The following PKHD1 variants were observed in gnomAD, a reference collection of about 807,000 sequenced individuals.
PKHD1 encodes PKHD1 ciliary IPT domain containing fibrocystin/polyductin, also known as fibrocystin.
A neutral mutation model predicts 412.0 loss-of-function variants in PKHD1; 291 were observed. The ratio of observed to expected loss-of-function variants is 0.71; its 90% confidence interval spans 0.64 to 0.78. The LOEUF is 0.78. Ranked by LOEUF, PKHD1 falls within the 30% of genes least tolerant of loss-of-function variation. The pLI is 0.00. For missense variants in PKHD1, 4,825 were observed against 4,950.7 expected (o/e 0.97, Z 0.76); for synonymous variants, 1,777 against 1,821.5 (o/e 0.98, Z 0.62).
At chr6:52,018,015 C>T (rs1800812347) in intron 33 of PKHD1, among the ~76,000 whole-genome samples, 1 of 152,018 alleles carries the variant, frequency 6.6e-6, no homozygotes. Context: ...TTGAGTTTTC[C>T]TTGTTTTTGA....
intron 33 of PKHD1, among the ~76,000 whole-genome samples, chr6:52,018,352 C>A (rs1755664477): frequency 6.6e-6 from 1 of 152,114 alleles, no homozygotes; most frequent in Admixed American, 6.6e-5. Context: ...AGTAGTTGTG[C>A]CATTTTGTAT....
intron 57 of PKHD1, among the ~76,000 whole-genome samples, chr6:51,752,178 A>G (rs1272452186): frequency 3.3e-5 from 5 of 152,144 alleles, no homozygotes; most frequent in African/African-American, 1.2e-4. Flanking sequence ...TCAATTCTTA[A>G]AAGATTTGAA....
At chr6:52,053,615 T>C (rs1807227681) in intron 20 of PKHD1, among the ~76,000 whole-genome samples, 1 of 152,206 alleles carries the variant, frequency 6.6e-6, no homozygotes, top group African/African-American at 2.4e-5. Context: ...CATTTAGGTT[T>C]AAGACCATTT....
chr6:52,032,987 A>C, intron 29 of PKHD1, 43 bp downstream of exon 29: 1 of 1,559,968 alleles, frequency 6.4e-7, no homozygotes, highest in Non-Finnish European at 8.8e-7. Context: ...TATAGGACCA[A>C]TGCTCTAAGA....
intron 52 of PKHD1, among the ~76,000 whole-genome samples, chr6:51,806,089 G>A (rs531392177): frequency 2.0e-4 from 30 of 151,916 alleles, no homozygotes; most frequent in Admixed American, 2.0e-3. Context: ...GGAGGGATAG[G>A]ATTAGGATAG....
In PKHD1 at chr6:52,070,394, C is replaced by T. The variant is rs1444928283; in HGVS notation, c.707+12G>A. 1.3e-6 allele frequency: 2 copies of T among 1,572,166 alleles called. No individual in the cohort carries two copies. The highest frequency in any genetic ancestry group is 1.7e-5 in the Admixed American group (1 of 59,888). ...AAGACAAATTTGCCTATTTCTATAC[C>T]CAGTTACTTACTTTCCTTTGTTAAA... On this transcript the variant is annotated intron_variant, in intron 10 of 66. Transcript: ENST00000371117.
chr6:51,736,762 T>TCTCC (rs1308476666), intron 60 of PKHD1, among the ~76,000 whole-genome samples: 1 of 152,032 alleles, frequency 6.6e-6, no homozygotes, highest in Non-Finnish European at 1.5e-5. Flanking sequence ...CCTCTCATTT[T>TCTCC]CTCCCTCCCT....
In PKHD1 at chr6:52,070,447, T is replaced by C. The variant is rs771364577; in HGVS notation, c.668-2A>G. The C allele has an allele frequency of 1.2e-6, 2 of 1,608,700 alleles. No individual in the cohort carries two copies. Among genetic ancestry groups the C allele is most frequent in the African/African-American group, 1.3e-5 (1 of 74,820 alleles). On this transcript the variant is annotated splice_acceptor_variant, in intron 9 of 66. Transcript: ENST00000371117. LOFTEE classifies it high-confidence loss of function. ...CTGAGAAGCTAACATTCTGGGAGCC[T>C]GTAACACAAAGAAACACACATTAAC...
intron 49 of PKHD1, 66 bp downstream of exon 49, chr6:51,855,827 C>A: frequency 7.9e-7 from 1 of 1,266,120 alleles, no homozygotes; most frequent in Non-Finnish European, 1.2e-6. Context: ...AACCCATTAT[C>A]TCAAACAAAG....
At chr6:51,632,471 G>A in intron 65 of PKHD1, 94 bp downstream of exon 65, 1 of 1,068,704 alleles carries the variant, frequency 9.4e-7, no homozygotes, top group Non-Finnish European at 1.4e-6. Context: ...ACAAAAATTT[G>A]TCTTTGGGGA....
chr6:51,865,062 A>G (rs1774834512), intron 48 of PKHD1, among the ~76,000 whole-genome samples: 1 of 152,188 alleles, frequency 6.6e-6, no homozygotes, highest in South Asian at 2.1e-4. Flanking sequence ...CCTGACTTAC[A>G]TTGGCAGAAC....
chr6:51,828,005 T>C (rs1767611664), intron 52 of PKHD1, among the ~76,000 whole-genome samples: 1 of 152,086 alleles, frequency 6.6e-6, no homozygotes, highest in African/African-American at 2.4e-5. Context: ...TGTGATAAGA[T>C]TAAATACCTC....
intron 19 of PKHD1, 59 bp from the exon 20 acceptor site, chr6:52,054,224 A>G (rs1267993402): frequency 1.3e-6 from 2 of 1,566,284 alleles, no homozygotes; most frequent in Admixed American, 1.7e-5. Flanking sequence ...CATTCAAACA[A>G]TACGTAGTGA....
chr6:51,828,258 C>T (rs1053883262), intron 52 of PKHD1, among the ~76,000 whole-genome samples: 2 of 151,982 alleles, frequency 1.3e-5, no homozygotes, highest in African/African-American at 4.8e-5. Context: ...TCCTGCAAAG[C>T]TTCTTTACTT....
rs200599637 is a variant in PKHD1, at chr6:51,934,230, C to T, written c.6001G>A (p.Glu2001Lys). Residue 2001 changes from glutamate to lysine, a missense_variant, in exon 37 of 67, where the codon GAA becomes AAA. By Grantham distance (56) the Glu-to-Lys change is moderately conservative. Coordinates refer to ENST00000371117, the MANE Select transcript of PKHD1 (RefSeq NM_138694.4). Reference protein sequence around the residue: ...SDGGELRIGSEDKPFQGRAQI... With the variant: ...SDGGELRIGSKDKPFQGRAQI... ...GCTCTGCCTTGGAAGGGCTTGTCTTCGGATCCAATCCGGAGCTCTCCACCA... is the reference window on the plus strand; with the variant it reads ...GCTCTGCCTTGGAAGGGCTTGTCTTTGGATCCAATCCGGAGCTCTCCACCA... 1.3e-4 allele frequency: 206 copies of T among 1,613,696 alleles called. No homozygotes were observed. Among genetic ancestry groups the T allele is most frequent in the Non-Finnish European group, 1.6e-4 (184 of 1,179,792 alleles).
At chr6:51,850,786 A>T (rs2151647139) in intron 49 of PKHD1, among the ~76,000 whole-genome samples, 1 of 152,138 alleles carries the variant, frequency 6.6e-6, no homozygotes, top group South Asian at 2.1e-4. Flanking sequence ...TCAGTTCAAG[A>T]AATTTTTTGA....
chr6:51,783,852 T>A (rs897519724), intron 53 of PKHD1, among the ~76,000 whole-genome samples: 2 of 152,178 alleles, frequency 1.3e-5, no homozygotes, highest in African/African-American at 4.8e-5. Context: ...GTAACTCCTT[T>A]TTTCCTTTCA....
Position 51,688,690 on chromosome 6 carries a change from G to A in PKHD1, c.10157-28721C>T, listed in dbSNP as rs547359056. 4.6e-5 allele frequency among the ~76,000 whole-genome samples: 7 copies of A among 152,198 alleles called. No homozygotes were observed. In the South Asian group the frequency reaches 1.5e-3, roughly 32 times the overall value. On this transcript the variant is annotated intron_variant, in intron 60 of 66. Coordinates refer to ENST00000371117, the MANE Select transcript of PKHD1 (RefSeq NM_138694.4). ...CCCACAGATATACAAACAACCATCA[G>A]AGAATATTATAAACACCTCCAGTGT...
intron 62 of PKHD1, among the ~76,000 whole-genome samples, chr6:51,648,422 T>C (rs1770416681): frequency 6.6e-6 from 1 of 152,024 alleles, no homozygotes; most frequent in African/African-American, 2.4e-5. Flanking sequence ...AAAGGAAAGG[T>C]AAAGAGAAGA....
Sources: gnomAD v4.1 joint callset for allele counts (sites outside exome capture counted in the v4.1 genomes callset) on GRCh38, gnomAD v4.1.1 for gene constraint, MANE v1.5 for transcripts, NCBI Gene and HGNC (gene_info 2026-07-23, HGNC 2026-07-21) for gene names.